CSMD1: variants seen among roughly 807,000 people sequenced by gnomAD.
The protein encoded by CSMD1 is CUB and sushi domain-containing protein 1.
A neutral mutation model predicts 417.5 loss-of-function variants in CSMD1; 213 were observed. The observed-to-expected ratio is 0.51, with a 90% CI of 0.46 to 0.57. The LOEUF is 0.57. Ranked by LOEUF, CSMD1 falls within the 20% of genes least tolerant of loss-of-function variation. The pLI is 0.00. For missense variants in CSMD1, 6,923 were observed against 4,529.7 expected (o/e 1.53, Z -15.17); for synonymous variants, 2,862 against 1,736.8 (o/e 1.65, Z -16.11).
rs754086394 is a variant in CSMD1 at position 4,994,450 on chromosome 8, T to C, written c.-34A>G. ...ATACTCCACACGCACGCGACACCGA[T>C]GGCTCCTCCGAGGAAGGCAGGGCTA... On this transcript the variant is annotated 5_prime_UTR_variant, in exon 1 of 70. Transcript: ENST00000635120. 3.0e-5 allele frequency: 48 copies of C among 1,583,262 alleles called. No homozygotes were observed. The highest frequency in any genetic ancestry group is 1.7e-4 in the Middle Eastern group (1 of 6,024).
At chr8:4,811,681 C>T (rs1026379244) in intron 1 of CSMD1, among the ~76,000 whole-genome samples, 3 of 151,850 alleles carry the variant, frequency 2.0e-5, no homozygotes, top group Admixed American at 6.6e-5. Context: ...TCTATTGGCT[C>T]ATTGAGTCAC....
At position 3,088,353 on chromosome 8, in the gene CSMD1, T is replaced by G. The variant is rs139011646; in HGVS notation, c.7286-1068A>C. Among the ~76,000 whole-genome samples the G allele has an allele frequency of 5.0e-4, 76 of 152,282 alleles. No individual in the cohort carries two copies. In the East Asian group the frequency reaches 0.01, roughly 21 times the overall value. The stretch of plus-strand genomic sequence containing the variant: ...AATTTAAACAATACAACAGAGAAGG[T>G]CCTTAAGAACTGGGAATTCTCAGTT... On this transcript the variant is annotated intron_variant, in intron 48 of 69. Transcript: ENST00000635120.
chr8:3,383,476 G>A (rs1007858468), intron 18 of CSMD1, among the ~76,000 whole-genome samples: 2 of 151,480 alleles, frequency 1.3e-5, no homozygotes, highest in African/African-American at 2.4e-5. Flanking sequence ...CATGCATGGA[G>A]GGAAGCCTTC....
chr8:3,749,625 T>C (rs1044555035), intron 6 of CSMD1, among the ~76,000 whole-genome samples: 1 of 152,186 alleles, frequency 6.6e-6, no homozygotes, highest in Non-Finnish European at 1.5e-5. Context: ...CTTTGAGAAG[T>C]TACACAATTC....
intron 1 of CSMD1, among the ~76,000 whole-genome samples, chr8:4,896,326 T>G (rs1420229729): frequency 6.6e-6 from 1 of 152,130 alleles, no homozygotes; most frequent in Admixed American, 6.5e-5. Context: ...CAATATTTAA[T>G]TCACACTTTA....
chr8:3,230,019 C>A (rs767477475), intron 27 of CSMD1, 21 bp downstream of exon 27: 2 of 1,482,720 alleles, frequency 1.3e-6, no homozygotes, highest in Non-Finnish European at 1.8e-6. Flanking sequence ...TATAAAATTT[C>A]TAAGTTCTGT....
At chr8:3,441,564 G>T (rs1171547069) in intron 12 of CSMD1, among the ~76,000 whole-genome samples, 2 of 150,184 alleles carry the variant, frequency 1.3e-5, no homozygotes, top group Admixed American at 6.7e-5. Flanking sequence ...ATCAATGATG[G>T]ATCATGTATA....
chr8:4,373,915 C>A (rs1018133278), intron 3 of CSMD1, among the ~76,000 whole-genome samples: 1 of 152,126 alleles, frequency 6.6e-6, no homozygotes, highest in Non-Finnish European at 1.5e-5. Context: ...ATGAAAATTT[C>A]CCCTTTCTCT....
chr8:3,935,792 G>A (rs1236230285), intron 5 of CSMD1, among the ~76,000 whole-genome samples: 3 of 152,118 alleles, frequency 2.0e-5, no homozygotes, highest in African/African-American at 7.2e-5. Flanking sequence ...TAAGCCTACA[G>A]TGGCCTTTAT....
At chr8:3,938,109 A>T (rs931300669) in intron 5 of CSMD1, among the ~76,000 whole-genome samples, 3 of 152,196 alleles carry the variant, frequency 2.0e-5, no homozygotes, top group African/African-American at 7.2e-5. Context: ...GAAAGTGTGA[A>T]GCATATAAAA....
chr8:4,966,833 T>G (rs1809894580), intron 1 of CSMD1, among the ~76,000 whole-genome samples: 1 of 152,208 alleles, frequency 6.6e-6, no homozygotes, highest in South Asian at 2.1e-4. Flanking sequence ...CAACATGCCC[T>G]TCAAATTACT....
At chr8:4,090,812 C>T (rs567320865) in intron 3 of CSMD1, among the ~76,000 whole-genome samples, 1 of 151,994 alleles carries the variant, frequency 6.6e-6, no homozygotes, top group South Asian at 2.1e-4. Flanking sequence ...AACATATATT[C>T]TTTAAGTCGA....
chr8:4,843,829 A>T (rs11997092), intron 1 of CSMD1, among the ~76,000 whole-genome samples: 2,552 of 152,346 alleles, frequency 0.017, 67 homozygotes, highest in African/African-American at 0.058. Context: ...GTGGAAGCAC[A>T]GGAGAGCTGA....
intron 4 of CSMD1, among the ~76,000 whole-genome samples, chr8:4,030,266 C>T (rs112107655): frequency 5.3e-5 from 8 of 152,306 alleles, no homozygotes; most frequent in Non-Finnish European, 1.0e-4. Context: ...TCCTGCACTG[C>T]CCTAGCAAAG....
intron 3 of CSMD1, among the ~76,000 whole-genome samples, chr8:4,319,388 TG>T (rs944682839): frequency 1.3e-5 from 2 of 152,158 alleles, no homozygotes; most frequent in African/African-American, 2.4e-5. Context: ...ACTGAGCCTC[TG>T]GGGCCCATAA....
chr8:4,185,299 T>C (rs923430147), intron 3 of CSMD1, among the ~76,000 whole-genome samples: 4 of 152,154 alleles, frequency 2.6e-5, no homozygotes, highest in African/African-American at 7.2e-5. Flanking sequence ...TTAATCTTTT[T>C]GTTTTAGGGA....
At chr8:3,668,913 C>T (rs545515235) in intron 7 of CSMD1, among the ~76,000 whole-genome samples, 1 of 152,314 alleles carries the variant, frequency 6.6e-6, no homozygotes, top group East Asian at 1.9e-4. Context: ...TACATCCCCT[C>T]AGCCATAGCT....
At chr8:4,083,074 T>C (rs1014727608) in intron 3 of CSMD1, among the ~76,000 whole-genome samples, 3 of 152,098 alleles carry the variant, frequency 2.0e-5, no homozygotes, top group East Asian at 1.9e-4. Context: ...ACAATAAACA[T>C]ACATGTGCAT....
chr8:3,443,188 G>A (rs1417361745), intron 12 of CSMD1, among the ~76,000 whole-genome samples: 1 of 152,102 alleles, frequency 6.6e-6, no homozygotes, highest in East Asian at 1.9e-4. Context: ...AATGTGAGAG[G>A]ATACACGCAC....
Sources: allele counts gnomAD v4.1 joint callset (sites outside exome capture counted in the v4.1 genomes callset), GRCh38; gene constraint gnomAD v4.1.1; transcripts MANE v1.5; gene names NCBI Gene and HGNC (gene_info 2026-07-23, HGNC 2026-07-21).